The following CDH12 variants were observed in gnomAD, a reference collection of about 807,000 sequenced individuals.
CDH12 encodes the protein cadherin 12, also known as cadherin-12.
CDH12 carries 41 observed loss-of-function variants against 74.1 expected under a neutral mutation model. The observed-to-expected ratio is 0.55, with a 90% confidence interval of 0.43 to 0.72. The LOEUF (loss-of-function observed/expected upper bound fraction) is 0.72. Among genes scored for constraint, CDH12 ranks in the 30% least tolerant of loss-of-function variants. CDH12 has a pLI of 0.00. For synonymous variants in CDH12, 399 were observed against 355.0 expected, an observed-to-expected ratio of 1.12 and a Z score of -1.39; for missense variants, 945 against 977.2, an observed-to-expected ratio of 0.97 and a Z score of 0.44.
intron 3 of CDH12, among the ~76,000 whole-genome samples, chr5:22,375,105 G>A (rs1458584931): frequency 1.3e-5 from 2 of 152,160 alleles, no homozygotes; most frequent in East Asian, 3.9e-4. Context: ...AAAACAGAAT[G>A]TAGACTAATG....
chr5:22,834,324 G>A (rs1213851981), intron 1 of CDH12, among the ~76,000 whole-genome samples: 2 of 152,146 alleles, frequency 1.3e-5, no homozygotes, highest in East Asian at 1.9e-4. Context: ...TAATTATAGA[G>A]GAGACTGGAA....
intron 5 of CDH12, among the ~76,000 whole-genome samples, chr5:22,043,288 A>C (rs1273860134): frequency 6.6e-6 from 1 of 152,210 alleles, no homozygotes; most frequent in East Asian, 1.9e-4. Context: ...AACATGAATT[A>C]ATATATGCAA....
intron 1 of CDH12, among the ~76,000 whole-genome samples, chr5:22,674,180 G>A (rs1741045228): frequency 6.6e-6 from 1 of 152,154 alleles, no homozygotes; most frequent in Non-Finnish European, 1.5e-5. Context: ...ATATGGTTTG[G>A]CTATGCCTCC....
intron 1 of CDH12, among the ~76,000 whole-genome samples, chr5:22,617,975 C>T (rs1737773570): frequency 6.6e-6 from 1 of 151,962 alleles, no homozygotes; most frequent in Admixed American, 6.6e-5. Flanking sequence ...AAACTGAATA[C>T]ATAAGATAAA....
chr5:22,730,332 C>T (rs1352064510), intron 1 of CDH12, among the ~76,000 whole-genome samples: 1 of 151,672 alleles, frequency 6.6e-6, no homozygotes, highest in African/African-American at 2.4e-5. Flanking sequence ...ATGTCCAAAA[C>T]AAATTGTTTT....
intron 1 of CDH12, among the ~76,000 whole-genome samples, chr5:22,762,016 C>CAAAGTCA (rs1746255199): frequency 6.6e-6 from 1 of 151,840 alleles, no homozygotes; most frequent in African/African-American, 2.4e-5. Flanking sequence ...TTATGAACTT[C>CAAAGTCA]AAAGTCATAG....
chr5:22,027,142 C>T (rs980289698), intron 5 of CDH12, among the ~76,000 whole-genome samples: 3 of 152,028 alleles, frequency 2.0e-5, no homozygotes, highest in South Asian at 2.1e-4. Context: ...ATTGAACCAG[C>T]CTTGCATCCC....
chr5:22,283,092 G>T (rs1736960506), intron 3 of CDH12, among the ~76,000 whole-genome samples: 1 of 151,646 alleles, frequency 6.6e-6, no homozygotes, highest in South Asian at 2.1e-4. Flanking sequence ...TTCCTTTGCA[G>T]GGACATGGAT....
intron 6 of CDH12, among the ~76,000 whole-genome samples, chr5:21,920,876 G>A (rs1754321801): frequency 6.6e-6 from 1 of 152,064 alleles, no homozygotes. Flanking sequence ...GAGTGAAACA[G>A]GAATAGTAGT....
intron 3 of CDH12, among the ~76,000 whole-genome samples, chr5:22,214,878 A>T (rs13359667): frequency 0.018 from 2,733 of 152,334 alleles, 58 homozygotes; most frequent in South Asian, 0.076. Flanking sequence ...AATGGTTTCT[A>T]TAGAGAGTAT....
chr5:22,821,957 C>G (rs1267699780), intron 1 of CDH12, among the ~76,000 whole-genome samples: 1 of 152,000 alleles, frequency 6.6e-6, no homozygotes, highest in African/African-American at 2.4e-5. Flanking sequence ...AAGCTGGAGG[C>G]ATCACGCTAC....
At chr5:22,498,263 A>G (rs965466231) in intron 2 of CDH12, among the ~76,000 whole-genome samples, 1 of 152,136 alleles carries the variant, frequency 6.6e-6, no homozygotes, top group African/African-American at 2.4e-5. Context: ...CATTTTCTAT[A>G]AACTTATTTA....
At chr5:22,615,516 G>A (rs2126832324) in intron 1 of CDH12, among the ~76,000 whole-genome samples, 1 of 152,120 alleles carries the variant, frequency 6.6e-6, no homozygotes, top group African/African-American at 2.4e-5. Context: ...GGTCCTAGCA[G>A]GGAGTTTATA....
rs758959320 is a variant in CDH12 at position 22,078,700 on chromosome 5, A to C, written c.-24T>G. ...ATTGGCAAAGGCTTTCCTACAGCAG[A>C]GTAATAAAAACTCCAACACTTAACG... is the stretch of plus-strand genomic sequence containing the variant. On this transcript the variant is annotated 5_prime_UTR_variant, in exon 5 of 15. Transcript: ENST00000382254. 1.9e-6 allele frequency: 3 copies of C among 1,609,150 alleles called. No individual in the cohort carries two copies. The African/African-American group carries it at 4.0e-5, about 22-fold the overall frequency.
intron 1 of CDH12, among the ~76,000 whole-genome samples, chr5:22,572,123 G>T (rs1036482538): frequency 3.3e-5 from 5 of 151,992 alleles, no homozygotes; most frequent in Non-Finnish European, 5.9e-5. Context: ...GTCTTTACAA[G>T]TAAACATGGC....
chr5:22,664,313 C>G (rs1003712995), intron 1 of CDH12, among the ~76,000 whole-genome samples: 1 of 152,098 alleles, frequency 6.6e-6, no homozygotes, highest in Non-Finnish European at 1.5e-5. Context: ...TTCAGCATGG[C>G]TGGGGATACC....
chr5:22,458,718 A>G (rs1325021179), intron 2 of CDH12, among the ~76,000 whole-genome samples: 1 of 152,196 alleles, frequency 6.6e-6, no homozygotes, highest in Non-Finnish European at 1.5e-5. Flanking sequence ...TTTGTTTACA[A>G]TATTTCAATA....
intron 3 of CDH12, among the ~76,000 whole-genome samples, chr5:22,404,399 A>G (rs556840382): frequency 6.6e-6 from 1 of 152,306 alleles, no homozygotes; most frequent in East Asian, 1.9e-4. Flanking sequence ...TAGTGATACA[A>G]AAAATAAACT....
chr5:22,788,002 G>A (rs1006092449), intron 1 of CDH12, among the ~76,000 whole-genome samples: 1 of 152,180 alleles, frequency 6.6e-6, no homozygotes, highest in Non-Finnish European at 1.5e-5. Flanking sequence ...CAAGGGATGA[G>A]TGTCACACAA....
Sources: allele counts gnomAD v4.1 joint callset (sites outside exome capture counted in the v4.1 genomes callset), GRCh38; gene constraint gnomAD v4.1.1; transcripts MANE v1.5; gene names NCBI Gene and HGNC (gene_info 2026-07-23, HGNC 2026-07-21).